ISY1: variants seen among roughly 807,000 people sequenced by gnomAD.
ISY1 encodes pre-mRNA-splicing factor ISY1 homolog.
Under a neutral mutation model 54.4 loss-of-function variants are expected in ISY1, and 12 were observed. That is an observed-to-expected ratio of 0.22 (90% CI 0.14 to 0.36). ISY1 has a LOEUF of 0.36. ISY1 is among the 10% of genes least tolerant of loss of function. ISY1 has a pLI of 1.00. For synonymous variants in ISY1, 96 were observed against 117.9 expected, an observed-to-expected ratio of 0.81 and a Z score of 1.20; for missense variants, 282 against 342.2, an observed-to-expected ratio of 0.82 and a Z score of 1.39.
chr3:129,140,392 C>T lies in ISY1; in HGVS notation c.394G>A (p.Val132Ile), dbSNP rs1220405299. The T allele has an allele frequency of 3.7e-6, 6 of 1,610,946 alleles. No homozygotes were observed. The highest frequency in any genetic ancestry group is 5.1e-6 in the Non-Finnish European group (6 of 1,179,302). The change falls in exon 7 of 11, where the codon GTT becomes ATT. Residue 132 changes from valine (V) to isoleucine (I), a missense_variant. Val to Ile is a conservative substitution (Grantham distance 29). Around this residue, in one of 2 missense-constraint regions of ISY1, gnomAD observed 279 missense variants for 323.6 expected, o/e 0.86. Transcript: ENST00000393295. Reference sequence around the variant, plus strand: ...CGTTCTTTTTCAAACAGCTCTCTAACACCAGGCAAATCTTTTGCTGCTCCA... The same window carrying T: ...CGTTCTTTTTCAAACAGCTCTCTAATACCAGGCAAATCTTTTGCTGCTCCA... ...YFGAAKDLPG[V>I]RELFEKEPLP...
chr3:129,136,660 C>T (rs113422852), intron 7 of ISY1, among the ~76,000 whole-genome samples: 1,644 of 149,664 alleles, frequency 0.011, 17 homozygotes, highest in Middle Eastern at 0.035. Flanking sequence ...CGCACCACCA[C>T]GCCCGGCTAA....
intron 7 of ISY1, among the ~76,000 whole-genome samples, chr3:129,139,781 T>C (rs557833687): frequency 5.1e-4 from 77 of 152,040 alleles, no homozygotes; most frequent in Non-Finnish European, 9.7e-4. Flanking sequence ...TAGCTGGGAG[T>C]ACAGGCATGC....
chr3:129,136,425 C>A (rs1289917581), intron 7 of ISY1, among the ~76,000 whole-genome samples: 2 of 152,002 alleles, frequency 1.3e-5, no homozygotes, highest in African/African-American at 4.8e-5. Context: ...AAATGAAAAA[C>A]AAAATGACAA....
At chr3:129,134,527 T>C (rs974207659) in intron 8 of ISY1, among the ~76,000 whole-genome samples, 1 of 152,182 alleles carries the variant, frequency 6.6e-6, no homozygotes, top group Non-Finnish European at 1.5e-5. Flanking sequence ...GACCACTTGC[T>C]TCCAAAGTCC....
intron 8 of ISY1, among the ~76,000 whole-genome samples, 175 bp downstream of exon 8, chr3:129,134,657 C>T (rs1936336295): frequency 6.6e-6 from 1 of 152,194 alleles, no homozygotes; most frequent in Non-Finnish European, 1.5e-5. Context: ...CTCTGGCCCA[C>T]ACAGCTTTGA....
rs954463354 is a variant in ISY1 at position 129,151,546 on chromosome 3, T to C, written c.187+5087A>G. ...CAGGAGGCTGAGGCAGGAGAATCGC[T>C]TGAACCCAGGGGACAGAGGTTGCAG... On this transcript the variant is annotated intron_variant, in intron 5 of 10. Coordinates refer to ENST00000393295, the MANE Select transcript of ISY1 (RefSeq NM_020701.4). Among the ~76,000 whole-genome samples the C allele has an allele frequency of 5.3e-5, 8 of 151,838 alleles. No individual in the cohort carries two copies. The South Asian group carries it at 1.7e-3, about 32-fold the overall frequency.
chr3:129,144,196 TCGG>T, intron 6 of ISY1: 1 of 427,938 alleles, frequency 2.3e-6, no homozygotes, highest in Non-Finnish European at 4.7e-6. Flanking sequence ...TATACTAAAA[TCGG>T]AATGATACAG....
At chr3:129,155,586 A>G (rs1320592890) in intron 5 of ISY1, among the ~76,000 whole-genome samples, 1 of 152,188 alleles carries the variant, frequency 6.6e-6, no homozygotes, top group Non-Finnish European at 1.5e-5. Context: ...TAAATTCAAA[A>G]TATCTTCTAA....
rs1936578630 is a variant in ISY1, at chr3:129,140,607, G to A, written c.301-122C>T. The A allele has an allele frequency of 5.5e-6, 6 of 1,090,088 alleles. No homozygotes were observed. The Admixed American group carries it at 7.9e-5, about 14-fold the overall frequency. The allele number at this position is 1,090,088 out of a possible 1,614,324, so 67.5% of individuals were successfully genotyped here. Reference sequence around the variant, plus strand: ...ATTTATTTATTTGAGGTGGAGTCTCGCTCTGTTGCCCAGGCTGGAGTGCAG... The same window carrying A: ...ATTTATTTATTTGAGGTGGAGTCTCACTCTGTTGCCCAGGCTGGAGTGCAG... On this transcript the variant is annotated intron_variant, in intron 6 of 10. Coordinates refer to ENST00000393295, the MANE Select transcript of ISY1 (RefSeq NM_020701.4).
At chr3:129,152,056 G>A (rs1461093607) in intron 5 of ISY1, among the ~76,000 whole-genome samples, 1 of 152,070 alleles carries the variant, frequency 6.6e-6, no homozygotes, top group African/African-American at 2.4e-5. Flanking sequence ...CTACTCGGGA[G>A]GCTGAGGCAG....
chr3:129,130,602 T>C lies in ISY1; in HGVS notation c.698A>G (p.Asp233Gly). The C allele has an allele frequency of 6.2e-7, 1 of 1,614,012 alleles. No homozygotes were observed. The highest frequency in any genetic ancestry group is 8.5e-7 in the Non-Finnish European group (1 of 1,179,988). ...DEEGSQEKGG[D>G]DSQQKFIAHV... Reference sequence around the variant, plus strand: ...AGCAATGAACTTCTGCTGGCTGTCGTCCCCTCCTTTCTCCTGGCTGCCTTC... The same window carrying C: ...AGCAATGAACTTCTGCTGGCTGTCGCCCCCTCCTTTCTCCTGGCTGCCTTC... Residue 233 changes from aspartate to glycine, a missense_variant, in exon 10 of 11, where the codon GAC becomes GGC. Around this residue, in one of 2 missense-constraint regions of ISY1, gnomAD observed 279 missense variants for 323.6 expected, o/e 0.86. Coordinates refer to ENST00000393295, the MANE Select transcript of ISY1 (RefSeq NM_020701.4).
chr3:129,147,500 A>G (rs1407253220), intron 5 of ISY1, among the ~76,000 whole-genome samples: 1 of 152,168 alleles, frequency 6.6e-6, no homozygotes, highest in Non-Finnish European at 1.5e-5. Flanking sequence ...GACACAGAGA[A>G]CTCAAGGCAG....
intron 5 of ISY1, among the ~76,000 whole-genome samples, chr3:129,148,757 T>C (rs1227816824): frequency 6.6e-6 from 1 of 152,004 alleles, no homozygotes; most frequent in Non-Finnish European, 1.5e-5. Context: ...TTAGTAGAGA[T>C]GGGATTTTGC....
intron 5 of ISY1, among the ~76,000 whole-genome samples, chr3:129,152,507 G>A (rs542504640): frequency 3.3e-5 from 5 of 152,054 alleles, no homozygotes; most frequent in East Asian, 1.9e-4. Context: ...GGGTTCCAGC[G>A]ATTCGCCTGC....
At chr3:129,145,659 T>A in intron 6 of ISY1, 102 bp downstream of exon 6, 1 of 1,125,964 alleles carries the variant, frequency 8.9e-7, no homozygotes, top group Non-Finnish European at 1.3e-6. Flanking sequence ...ATCCTGTTCA[T>A]AGCTTTCCTG....
chr3:129,160,326 C>G (rs1937266692), intron 1 of ISY1, among the ~76,000 whole-genome samples: 1 of 151,840 alleles, frequency 6.6e-6, no homozygotes, highest in Non-Finnish European at 1.5e-5. Flanking sequence ...AGTGCCGGTA[C>G]CAATCATCTT....
rs1936319422 is a variant in ISY1, at chr3:129,134,099, T to C, written c.638A>G (p.Asn213Ser). 2 of 1,614,192 alleles carry C rather than the reference T, an allele frequency of 1.2e-6. No homozygotes were observed. Among genetic ancestry groups the C allele is most frequent in the Non-Finnish European group, 1.7e-6 (2 of 1,180,034 alleles). Residue 213 changes from asparagine to serine, a missense_variant, in exon 9 of 11, where the codon AAC becomes AGC. By Grantham distance (46) the Asn-to-Ser change is conservative. Around this residue, in one of 2 missense-constraint regions of ISY1, gnomAD observed 279 missense variants for 323.6 expected, o/e 0.86. Coordinates refer to ENST00000393295, the MANE Select transcript of ISY1 (RefSeq NM_020701.4). ...CTCCTCCTCGGTGACTGCATAGATGTTGATCTCTTCCTCCTCTTCCTCCTC... is the reference window on the plus strand; with the variant it reads ...CTCCTCCTCGGTGACTGCATAGATGCTGATCTCTTCCTCCTCTTCCTCCTC... ...EEEEEEEEEI[N>S]IYAVTEEESD...
chr3:129,157,177 A>C (rs145378462), intron 3 of ISY1, among the ~76,000 whole-genome samples: 1,577 of 152,306 alleles, frequency 0.01, 31 homozygotes, highest in African/African-American at 0.036. Flanking sequence ...GGTTATAGCT[A>C]TTTCATGGCA....
intron 7 of ISY1, among the ~76,000 whole-genome samples, chr3:129,138,631 G>A (rs552920056): frequency 1.1e-4 from 17 of 150,074 alleles, no homozygotes; most frequent in Non-Finnish European, 2.2e-4. Flanking sequence ...GTGACAGAGC[G>A]AGACTCCATC....
Sources: gnomAD v4.1 joint callset for allele counts (sites outside exome capture counted in the v4.1 genomes callset) on GRCh38, gnomAD v4.1.1 for gene constraint, gnomAD v4.1.1 regional missense constraint, MANE v1.5 for transcripts, NCBI Gene and HGNC (gene_info 2026-07-23, HGNC 2026-07-21) for gene names.